The following CA10 variants were observed in gnomAD, a reference collection of about 807,000 sequenced individuals.
CA10 encodes the protein carbonic anhydrase 10 (inactive), also known as carbonic anhydrase-related protein 10.
A neutral mutation model predicts 44.2 loss-of-function variants in CA10; 14 were observed. The ratio of observed to expected loss-of-function variants is 0.32; its 90% CI spans 0.21 to 0.50. The LOEUF is 0.50. Among genes scored for constraint, CA10 ranks in the 20% least tolerant of loss-of-function variants. The probability of loss-of-function intolerance (pLI) is 0.99; values close to 1 mark genes in which losing one functional copy is unlikely to be tolerated. For missense variants in CA10, 350 were observed against 409.7 expected (o/e 0.85, Z 1.26); for synonymous variants, 159 against 141.6 (o/e 1.12, Z -0.87).
At chr17:51,674,120 T>C (rs1914530967) in intron 4 of CA10, among the ~76,000 whole-genome samples, 2 of 152,216 alleles carry the variant, frequency 1.3e-5, no homozygotes, top group Non-Finnish European at 2.9e-5. Flanking sequence ...CATATTGCAA[T>C]GATTTGTGTA....
intron 3 of CA10, among the ~76,000 whole-genome samples, chr17:51,831,722 A>AGCCGCC (rs1173587707): frequency 6.9e-6 from 1 of 145,700 alleles, no homozygotes; most frequent in African/African-American, 2.6e-5. Context: ...CAGCAGCAGC[A>AGCCGCC]GCAGCAGCAG....
At chr17:51,771,370 T>C (rs533553851) in intron 3 of CA10, among the ~76,000 whole-genome samples, 45 of 152,268 alleles carry the variant, frequency 3.0e-4, no homozygotes, top group African/African-American at 9.9e-4. Flanking sequence ...TGGAGGATGA[T>C]TGACCTGTCC....
chr17:52,099,957 T>A (rs1169980192), intron 1 of CA10, among the ~76,000 whole-genome samples: 1 of 152,130 alleles, frequency 6.6e-6, no homozygotes, highest in East Asian at 1.9e-4. Flanking sequence ...TTGATGATAG[T>A]GGCCCTAGTG....
intron 3 of CA10, among the ~76,000 whole-genome samples, chr17:51,847,061 G>T (rs539271217): frequency 7.9e-5 from 12 of 152,248 alleles, no homozygotes. Context: ...ATCCTATGAC[G>T]CCCTGGATGA....
At chr17:51,852,321 T>A (rs1978834644) in intron 3 of CA10, among the ~76,000 whole-genome samples, 1 of 152,200 alleles carries the variant, frequency 6.6e-6, no homozygotes, top group Non-Finnish European at 1.5e-5. Flanking sequence ...CTCCACACTA[T>A]AATGATAAGT....
chr17:52,143,889 T>C (rs1267115789), intron 1 of CA10, among the ~76,000 whole-genome samples: 5 of 152,176 alleles, frequency 3.3e-5, no homozygotes, highest in Non-Finnish European at 5.9e-5. Context: ...CAGGTCACAG[T>C]TTGCTTGTCT....
At chr17:51,815,883 T>C (rs1388479872) in intron 3 of CA10, among the ~76,000 whole-genome samples, 1 of 152,156 alleles carries the variant, frequency 6.6e-6, no homozygotes, top group Non-Finnish European at 1.5e-5. Context: ...TCATGGAGAA[T>C]GGCGTATCCA....
intron 3 of CA10, among the ~76,000 whole-genome samples, chr17:51,814,109 G>A (rs994048612): frequency 3.3e-5 from 5 of 152,026 alleles, no homozygotes; most frequent in African/African-American, 4.8e-5. Flanking sequence ...CATGATCTTC[G>A]GCAAGACCTT....
rs1905927590 is a variant in CA10, at chr17:51,778,758, G to A, written c.280-30940C>T. Among the ~76,000 whole-genome samples the A allele has an allele frequency of 2.0e-5, 3 of 152,232 alleles. No homozygotes were observed. In the South Asian group the frequency reaches 6.2e-4, roughly 31 times the overall value. On this transcript the variant is annotated intron_variant, in intron 3 of 8. Coordinates refer to ENST00000451037, the MANE Select transcript of CA10 (RefSeq NM_020178.5). ...TTCTGTTTCCGAAACAATCAGAGGA[G>A]AGTATGCTAGAAGGTACAACAAATG... is the stretch of plus-strand genomic sequence containing the variant.
intron 3 of CA10, among the ~76,000 whole-genome samples, chr17:51,904,181 T>C (rs1981440159): frequency 6.6e-6 from 1 of 151,070 alleles, no homozygotes; most frequent in East Asian, 1.9e-4. Flanking sequence ...ACCCTTGATG[T>C]ATGTAATGTA....
intron 1 of CA10, among the ~76,000 whole-genome samples, chr17:52,118,929 T>C (rs982422520): frequency 1.3e-5 from 2 of 152,188 alleles, no homozygotes; most frequent in African/African-American, 4.8e-5. Flanking sequence ...TTCTTGTAAT[T>C]TTGGAGATTG....
At chr17:51,707,563 T>C (rs1915798970) in intron 4 of CA10, among the ~76,000 whole-genome samples, 1 of 152,204 alleles carries the variant, frequency 6.6e-6, no homozygotes, top group Non-Finnish European at 1.5e-5. Context: ...CTGCCATTAT[T>C]CATCCACTTA....
chr17:51,644,081 G>A, intron 6 of CA10, among the ~76,000 whole-genome samples: 1 of 152,106 alleles, frequency 6.6e-6, no homozygotes, highest in East Asian at 1.9e-4. Flanking sequence ...AATCCTCTTG[G>A]CGAGATTCTC....
intron 3 of CA10, among the ~76,000 whole-genome samples, chr17:51,905,349 T>C (rs1231388578): frequency 6.6e-6 from 1 of 152,024 alleles, no homozygotes; most frequent in African/African-American, 2.4e-5. Flanking sequence ...TGAGAAGTGA[T>C]CTAAAAGTGT....
intron 3 of CA10, among the ~76,000 whole-genome samples, chr17:51,870,327 G>C (rs558293301): frequency 6.6e-6 from 1 of 152,196 alleles, no homozygotes; most frequent in South Asian, 2.1e-4. Flanking sequence ...TGAAAGAGCT[G>C]GCAGTCCACA....
intron 4 of CA10, among the ~76,000 whole-genome samples, chr17:51,675,038 C>G (rs941237147): frequency 1.3e-5 from 2 of 152,166 alleles, no homozygotes; most frequent in African/African-American, 4.8e-5. Context: ...CCTGTTGCCC[C>G]CCGTTGCCTT....
At chr17:52,094,099 A>G (rs1988340730) in intron 1 of CA10, among the ~76,000 whole-genome samples, 1 of 152,122 alleles carries the variant, frequency 6.6e-6, no homozygotes, top group Non-Finnish European at 1.5e-5. Context: ...AACAATGAGA[A>G]CACATGGACA....
intron 2 of CA10, among the ~76,000 whole-genome samples, chr17:52,005,399 T>A (rs1032290134): frequency 6.6e-6 from 1 of 151,920 alleles, no homozygotes; most frequent in African/African-American, 2.4e-5. Context: ...CAAAGCTTAT[T>A]GAGATGAAGA....
chr17:51,635,826 A>C, intron 7 of CA10, 29 bp downstream of exon 7: 1 of 1,510,214 alleles, frequency 6.6e-7, no homozygotes, highest in Non-Finnish European at 9.0e-7. Context: ...ATTCTTCTCC[A>C]TTAGCTAAAT....
Sources: gnomAD v4.1 joint callset for allele counts (sites outside exome capture counted in the v4.1 genomes callset) on GRCh38, gnomAD v4.1.1 for gene constraint, MANE v1.5 for transcripts, NCBI Gene and HGNC (gene_info 2026-07-23, HGNC 2026-07-21) for gene names.